The following SMTN variants were observed in gnomAD, a reference collection of about 807,000 sequenced individuals.
SMTN encodes smoothelin.
SMTN carries 58 observed loss-of-function variants against 102.0 expected under a neutral mutation model. The ratio of observed to expected loss-of-function variants is 0.57; its 90% confidence interval spans 0.46 to 0.71. The LOEUF (loss-of-function observed/expected upper bound fraction) is 0.71, where lower values mean the gene tolerates loss of function less well. Among genes scored for constraint, SMTN ranks in the 30% least tolerant of loss-of-function variants. SMTN has a pLI of 0.00. For missense variants in SMTN, 1,185 were observed against 1,241.7 expected (o/e 0.95, Z 0.69); for synonymous variants, 478 against 497.9 (o/e 0.96, Z 0.53).
chr22:31,088,057 C>T lies in SMTN; in HGVS notation c.144C>T (p.Ala48=). The change falls in exon 3 of 21, where the codon GCC becomes GCT. Residue 48 remains alanine, a synonymous_variant. Transcript: ENST00000333137. ...QRQELEREEE[A]LASKRFRAER... ...AGGAGCTGGAGCGCGAGGAGGAGGCCCTGGCATCCAAGCGTTTCCGTGCCG... is the reference window on the plus strand; with the variant it reads ...AGGAGCTGGAGCGCGAGGAGGAGGCTCTGGCATCCAAGCGTTTCCGTGCCG... 6.2e-7 allele frequency: 1 copy of T among 1,612,002 alleles called. No individual in the cohort carries two copies. The highest frequency in any genetic ancestry group is 1.3e-5 in the African/African-American group (1 of 74,996).
intron 1 of SMTN, among the ~76,000 whole-genome samples, chr22:31,076,048 G>A (rs2042119928): frequency 6.6e-6 from 1 of 152,190 alleles, no homozygotes; most frequent in Admixed American, 6.5e-5. Flanking sequence ...CGAGAAGGGC[G>A]GGTAGGGCAG....
intron 16 of SMTN, among the ~76,000 whole-genome samples, chr22:31,097,814 A>T (rs1320668397): frequency 6.6e-6 from 1 of 152,174 alleles, no homozygotes; most frequent in African/African-American, 2.4e-5. Context: ...GGGCAAAGTG[A>T]GAGTTAAGGA....
intron 1 of SMTN, chr22:31,066,879 T>C (rs1344277034): frequency 1.3e-5 from 2 of 151,866 alleles, no homozygotes; most frequent in Admixed American, 1.3e-4. Context: ...CTCAGTTTCC[T>C]GAGTAGCTGG....
chr22:31,095,879 C>G lies in SMTN; in HGVS notation c.1861+270C>G, dbSNP rs1602657345. On this transcript the variant is annotated intron_variant, in intron 13 of 20. Coordinates refer to ENST00000333137, the MANE Select transcript of SMTN (RefSeq NM_134269.3). The surrounding 1 kb of genome is among the most constrained non-coding windows in gnomAD (Gnocchi z 4.1). Reference sequence around the variant, plus strand: ...CCAGATACTCCCTCCCGCAGCTACTCTCTCCTTGGATCCAGTTGCCTCTCA... The same window carrying G: ...CCAGATACTCCCTCCCGCAGCTACTGTCTCCTTGGATCCAGTTGCCTCTCA... 7.5e-6 allele frequency: 4 copies of G among 532,578 alleles called. No homozygotes were observed. The East Asian group carries it at 1.3e-4, about 18-fold the overall frequency. 33.0% of individuals were successfully genotyped at this position (532,578 alleles called of 1,614,324 possible).
intron 1 of SMTN, among the ~76,000 whole-genome samples, chr22:31,069,894 C>T (rs537170044): frequency 6.6e-6 from 1 of 152,284 alleles, no homozygotes; most frequent in South Asian, 2.1e-4. Context: ...AGCACACAGC[C>T]TTTGTTGACA....
In SMTN at chr22:31,090,843, T is replaced by TC. The variant is rs1427230068; in HGVS notation, c.902dup (p.Val302GlyfsTer39). 1.2e-6 allele frequency: 2 copies of TC among 1,613,814 alleles called. No individual in the cohort carries two copies. Among genetic ancestry groups the TC allele is most frequent in the Middle Eastern group, 3.3e-4 (2 of 6,084 alleles). On this transcript the variant is annotated frameshift_variant, in exon 9 of 21. Coordinates refer to ENST00000333137, the MANE Select transcript of SMTN (RefSeq NM_134269.3). LOFTEE classifies it high-confidence loss of function. The stretch of plus-strand genomic sequence containing the variant: ...ACCCCGACCCTGCCAACGCTCCCTG[T>TC]CGGTGCTCAGCCCCCGCCAACCAGC...
At chr22:31,082,507 A>G (rs766497777) in intron 1 of SMTN, 5 of 480,288 alleles carry the variant, frequency 1.0e-5, no homozygotes, top group Non-Finnish European at 2.1e-5. Context: ...GCCCTCTCCA[A>G]TCTTCTCAGT....
At chr22:31,103,327 A>C (rs1482798584) in intron 20 of SMTN, 1 of 152,268 alleles carries the variant, frequency 6.6e-6, no homozygotes, top group African/African-American at 2.4e-5. Flanking sequence ...GGCAGATAGG[A>C]GGGATCAAGG....
chr22:31,096,906 C>T lies in SMTN; in HGVS notation c.2026+9C>T, dbSNP rs775952228. On this transcript the variant is annotated intron_variant, in intron 14 of 20. Transcript: ENST00000333137. ...GCGGCTCGTCCACTCCAGTAAGGGG[C>T]CAAATGGGGCCGGCCCAGGGCTCAG... 5 of 1,602,592 alleles carry T rather than the reference C, an allele frequency of 3.1e-6. No individual in the cohort carries two copies. The African/African-American group carries it at 6.7e-5, about 21-fold the overall frequency.
intron 11 of SMTN, chr22:31,092,318 G>T: frequency 2.4e-6 from 1 of 410,784 alleles, no homozygotes. Flanking sequence ...TTAGTGATTA[G>T]CATCTGCGTC....
chr22:31,079,936 AT>A (rs1051149171), upstream of SMTN, among the ~76,000 whole-genome samples: 7 of 151,970 alleles, frequency 4.6e-5, no homozygotes, highest in Non-Finnish European at 8.8e-5. Context: ...TAATTTTTGT[AT>A]TTTTAGTAGA....
At position 31,099,150 on chromosome 22, in the gene SMTN, T is replaced by A; in HGVS notation, c.2422T>A (p.Trp808Arg). The A allele has an allele frequency of 6.2e-7, 1 of 1,613,008 alleles. No individual in the cohort carries two copies. The highest frequency in any genetic ancestry group is 8.5e-7 in the Non-Finnish European group (1 of 1,179,772). ...ANSIKQMLLDWCRAKTRGYEH... is the reference protein window; with the variant it reads ...ANSIKQMLLDRCRAKTRGYEH... ...CAGCATCAAGCAGATGCTGCTGGACTGGTGTCGAGCCAAGACTCGCGGCTA... is the reference window on the plus strand; with the variant it reads ...CAGCATCAAGCAGATGCTGCTGGACAGGTGTCGAGCCAAGACTCGCGGCTA... The change falls in exon 18 of 21, where the codon TGG becomes AGG. Residue 808 changes from tryptophan to arginine, a missense_variant. Around this residue, in one of 2 missense-constraint regions of SMTN, gnomAD observed 1,096 missense variants for 1,112.7 expected, o/e 0.98. Transcript: ENST00000333137.
chr22:31,068,082 A>G (rs1403554468), intron 1 of SMTN: 1 of 152,130 alleles, frequency 6.6e-6, no homozygotes, highest in Non-Finnish European at 1.5e-5. Context: ...AGGCGGGTGG[A>G]TCACCTGAAG....
At chr22:31,069,562 T>C (rs1164520888) in intron 1 of SMTN, among the ~76,000 whole-genome samples, 34 of 152,080 alleles carry the variant, frequency 2.2e-4, no homozygotes, top group Admixed American at 2.2e-3. Flanking sequence ...CTGGGTGCGG[T>C]GGGGCTTGGT....
chr22:31,081,071 GA>G (rs2042271659), upstream of SMTN, among the ~76,000 whole-genome samples: 1 of 152,008 alleles, frequency 6.6e-6, no homozygotes, highest in Non-Finnish European at 1.5e-5. Flanking sequence ...ACTTGGCGCA[GA>G]GCCTGCGTCC....
chr22:31,093,380 A>G (rs1355384034), intron 11 of SMTN: 4 of 385,814 alleles, frequency 1.0e-5, no homozygotes, highest in Non-Finnish European at 2.0e-5. Flanking sequence ...AGACTCAGAC[A>G]CTCAGCCAGA....
rs2044349231 is a variant in SMTN, at chr22:31,104,589, C to T, written c.*294C>T. On this transcript the variant is annotated 3_prime_UTR_variant, in exon 21 of 21. Coordinates refer to ENST00000333137, the MANE Select transcript of SMTN (RefSeq NM_134269.3). ...TGCGACACCCTCCCCCCCACATACA[C>T]ACGCAGCGTTTTGATAAATTATTGG... 2.1e-6 allele frequency: 2 copies of T among 931,566 alleles called. No homozygotes were observed. The highest frequency in any genetic ancestry group is 3.3e-5 in the African/African-American group (2 of 61,410). The allele number at this position is 931,566 out of a possible 1,614,324, so 57.7% of individuals were successfully genotyped here.
Position 31,088,753 on chromosome 22 carries a change from C to T in SMTN, c.349C>T (p.Arg117Cys), listed in dbSNP as rs1295587771. The T allele has an allele frequency of 5.6e-6, 9 of 1,612,882 alleles. No homozygotes were observed. The highest frequency in any genetic ancestry group is 1.7e-5 in the Admixed American group (1 of 59,768). ...CAAGCTGATCCGAGCTGCCATCCGC[C>T]GTGTACGGGCTCAGGAGATTGAGGG... is the stretch of plus-strand genomic sequence containing the variant. ...ERKLIRAAIRRVRAQEIEAAT... is the reference protein window; with the variant it reads ...ERKLIRAAIRCVRAQEIEAAT... The change falls in exon 5 of 21, where the codon CGT becomes TGT. Residue 117 changes from arginine to cysteine, a missense_variant. Physicochemically the swap from Arg to Cys is radical, Grantham distance 180. Coordinates refer to ENST00000333137, the MANE Select transcript of SMTN (RefSeq NM_134269.3).
chr22:31,096,897 A>G lies in SMTN; in HGVS notation c.2026A>G (p.Asn676Asp). The G allele has an allele frequency of 6.3e-7, 1 of 1,597,362 alleles. No homozygotes were observed. Among genetic ancestry groups the G allele is most frequent in the South Asian group, 1.1e-5 (1 of 88,700 alleles). Residue 676 changes from asparagine (N) to aspartate (D), a missense_variant and splice_region_variant, in exon 14 of 21, where the codon AAT (asparagine) becomes GAT (aspartate). Coordinates refer to ENST00000333137, the MANE Select transcript of SMTN (RefSeq NM_134269.3). ...VTKTERLVHS[N>D]DGTRTARTTT... ...CAAGACTGAGCGGCTCGTCCACTCC[A>G]GTAAGGGGCCAAATGGGGCCGGCCC...
Sources: gnomAD v4.1 joint callset for allele counts (sites outside exome capture counted in the v4.1 genomes callset) on GRCh38, gnomAD v4.1.1 for gene constraint, gnomAD v4.1.1 regional missense constraint, Gnocchi (gnomAD v3.1) non-coding constraint, MANE v1.5 for transcripts, NCBI Gene and HGNC (gene_info 2026-07-23, HGNC 2026-07-21) for gene names.